Variants in AGFG1 observed in about 807,000 individuals in gnomAD.
The protein encoded by AGFG1 is ArfGAP with FG repeats 1, also known as arf-GAP domain and FG repeat-containing protein 1.
Under a neutral mutation model 60.6 loss-of-function variants are expected in AGFG1, and 10 were observed. That is an observed-to-expected ratio of 0.16 (90% CI 0.10 to 0.28). The LOEUF (loss-of-function observed/expected upper bound fraction) is 0.28, where lower values mean the gene tolerates loss of function less well. AGFG1 is among the 10% of genes least tolerant of loss of function. The pLI is 1.00. For missense variants in AGFG1, 537 were observed against 676.5 expected, an observed-to-expected ratio of 0.79 and a Z score of 2.29; for synonymous variants, 247 against 242.9, an observed-to-expected ratio of 1.02 and a Z score of -0.16.
At position 227,523,684 on chromosome 2, in the gene AGFG1, A is replaced by G. The variant is rs545730504; in HGVS notation, c.378-79A>G. 7.4e-6 allele frequency: 10 copies of G among 1,348,272 alleles called. No homozygotes were observed. The African/African-American group carries it at 1.5e-4, about 20-fold the overall frequency. 83.5% of individuals were successfully genotyped at this position (1,348,272 alleles called of 1,614,324 possible). On this transcript the variant is annotated intron_variant, in intron 3 of 12. Coordinates refer to ENST00000310078, the MANE Select transcript of AGFG1 (RefSeq NM_004504.5). ...TTAATGGTGAAACAATCTTGTACAAAGTTAGAATTAAGCTTATCATTTTTT... is the reference window on the plus strand; with the variant it reads ...TTAATGGTGAAACAATCTTGTACAAGGTTAGAATTAAGCTTATCATTTTTT...
chr2:227,516,574 G>A (rs1286119944), intron 2 of AGFG1, among the ~76,000 whole-genome samples: 3 of 152,114 alleles, frequency 2.0e-5, no homozygotes, highest in African/African-American at 7.2e-5. Flanking sequence ...CTTCCAGAGA[G>A]CAGGAACAGA....
chr2:227,537,442 A>G (rs1205528910), intron 10 of AGFG1, among the ~76,000 whole-genome samples: 2 of 152,176 alleles, frequency 1.3e-5, no homozygotes, highest in African/African-American at 4.8e-5. Context: ...TGAATTCTTA[A>G]TTATTAGGTC....
chr2:227,513,323 AGCTGGTCTGTCTGGAT>A (rs1464176102), intron 2 of AGFG1, among the ~76,000 whole-genome samples: 3 of 152,184 alleles, frequency 2.0e-5, no homozygotes, highest in Non-Finnish European at 4.4e-5. Context: ...GGCTCCAAGC[AGCTGGTCTGTCTGGAT>A]ATACAAATGG....
chr2:227,499,429 C>G (rs1035697030), intron 2 of AGFG1, among the ~76,000 whole-genome samples: 1 of 151,886 alleles, frequency 6.6e-6, no homozygotes, highest in African/African-American at 2.4e-5. Flanking sequence ...CACTTGAGGC[C>G]AGGAGTTCGA....
chr2:227,560,216 T>C lies in AGFG1; in HGVS notation c.*5721T>C, dbSNP rs912192251. Reference sequence around the variant, plus strand: ...TCTCCAGGATTCCATTATATGGATGTCCCTTTGGGAGAACATTTGTTTATA... The same window carrying C: ...TCTCCAGGATTCCATTATATGGATGCCCCTTTGGGAGAACATTTGTTTATA... On this transcript the variant is annotated 3_prime_UTR_variant, in exon 13 of 13. Coordinates refer to ENST00000310078, the MANE Select transcript of AGFG1 (RefSeq NM_004504.5). The C allele has an allele frequency of 7.2e-5, 11 of 152,144 alleles. No individual in the cohort carries two copies. Among genetic ancestry groups the C allele is most frequent in the African/African-American group, 2.7e-4 (11 of 41,454 alleles). 9.4% of individuals were successfully genotyped at this position (152,144 alleles called of 1,614,324 possible).
chr2:227,533,190 AT>A (rs1194422009), intron 6 of AGFG1, among the ~76,000 whole-genome samples: 1 of 152,164 alleles, frequency 6.6e-6, no homozygotes, highest in East Asian at 1.9e-4. Flanking sequence ...GATACTTTGC[AT>A]CTTGTTTGCA....
In AGFG1 at chr2:227,491,538, A is replaced by G. The variant is rs373803032; in HGVS notation, c.168-9A>G. On this transcript the variant is annotated splice_polypyrimidine_tract_variant and intron_variant, in intron 1 of 12. Coordinates refer to ENST00000310078, the MANE Select transcript of AGFG1 (RefSeq NM_004504.5). ...ACTAGTAAATTTTGTAAAATATTTT[A>G]TCTTTTAGGCGAGGATTAAATCCAC... The G allele has an allele frequency of 3.2e-5, 49 of 1,516,550 alleles. No homozygotes were observed. In the African/African-American group the frequency reaches 4.1e-4, roughly 13 times the overall value. The allele number at this position is 1,516,550 out of a possible 1,614,324, so 93.9% of individuals were successfully genotyped here.
At chr2:227,533,136 C>T (rs1692212408) in intron 6 of AGFG1, among the ~76,000 whole-genome samples, 1 of 152,160 alleles carries the variant, frequency 6.6e-6, no homozygotes, top group Admixed American at 6.5e-5. Context: ...ATTGTTTAAA[C>T]TGTTTCGTCA....
In AGFG1 at chr2:227,503,604, G is replaced by A. The variant is rs187727048; in HGVS notation, c.261+11964G>A. Among the ~76,000 whole-genome samples, 389 of 152,296 alleles carry A rather than the reference G, an allele frequency of 2.6e-3. 4 individuals carry two copies. The highest frequency in any genetic ancestry group is 0.021 in the Admixed American group (323 of 15,310). On this transcript the variant is annotated intron_variant, in intron 2 of 12. Transcript: ENST00000310078. ...TGTTGGCAGCTTTGGGCACCAAGTG[G>A]TGGAATCTGGGAGTTGATGACTCAG...
At chr2:227,493,323 A>G (rs1468456375) in intron 2 of AGFG1, among the ~76,000 whole-genome samples, 1 of 152,120 alleles carries the variant, frequency 6.6e-6, no homozygotes, top group East Asian at 1.9e-4. Context: ...TCCTCATTTT[A>G]TCTTCTGCCC....
At position 227,499,203 on chromosome 2, in the gene AGFG1, G is replaced by A. The variant is rs542116738; in HGVS notation, c.261+7563G>A. On this transcript the variant is annotated intron_variant, in intron 2 of 12. Coordinates refer to ENST00000310078, the MANE Select transcript of AGFG1 (RefSeq NM_004504.5). ...CAATTAACAGTAATCTAGTCATCTG[G>A]TCAGTGTTTTAAGTTTTCTGTTGTT... Among the ~76,000 whole-genome samples the A allele has an allele frequency of 2.6e-5, 4 of 151,992 alleles. No homozygotes were observed. The South Asian group carries it at 8.3e-4, about 32-fold the overall frequency.
At chr2:227,548,664 G>A (rs1692722461) in intron 10 of AGFG1, among the ~76,000 whole-genome samples, 1 of 152,204 alleles carries the variant, frequency 6.6e-6, no homozygotes, top group East Asian at 1.9e-4. Flanking sequence ...AAGGCCGGGT[G>A]CAGTGGCTCA....
intron 2 of AGFG1, among the ~76,000 whole-genome samples, chr2:227,495,797 A>C (rs2106174525): frequency 6.6e-6 from 1 of 152,152 alleles, no homozygotes; most frequent in East Asian, 1.9e-4. Context: ...ATGTTTGAAG[A>C]CTAAAAGTAA....
intron 11 of AGFG1, 51 bp downstream of exon 11, chr2:227,552,168 A>T (rs1191681170): frequency 1.9e-6 from 3 of 1,603,436 alleles, no homozygotes; most frequent in Non-Finnish European, 2.6e-6. Context: ...TATCCTTTTT[A>T]TATCATAATG....
chr2:227,506,587 G>A (rs1194120833), intron 2 of AGFG1, among the ~76,000 whole-genome samples: 1 of 133,712 alleles, frequency 7.5e-6, no homozygotes, highest in African/African-American at 2.8e-5. Context: ...AAAGCACATA[G>A]GCACATACCT....
intron 1 of AGFG1, among the ~76,000 whole-genome samples, chr2:227,485,489 G>A (rs558936269): frequency 6.3e-4 from 95 of 150,740 alleles, no homozygotes; most frequent in African/African-American, 2.3e-3. Context: ...ACCTGCCTCA[G>A]CCTCCCAAAG....
At chr2:227,515,668 A>G (rs1691628460) in intron 2 of AGFG1, among the ~76,000 whole-genome samples, 1 of 152,162 alleles carries the variant, frequency 6.6e-6, no homozygotes, top group Non-Finnish European at 1.5e-5. Flanking sequence ...AGCTGGAGAA[A>G]AAAAGCCTTC....
intron 1 of AGFG1, among the ~76,000 whole-genome samples, chr2:227,475,466 C>A (rs1302500840): frequency 2.0e-5 from 3 of 152,132 alleles, no homozygotes. Flanking sequence ...CATCAAATGT[C>A]TACTGCAGAA....
At chr2:227,488,751 C>A (rs1335701068) in intron 1 of AGFG1, among the ~76,000 whole-genome samples, 1 of 152,200 alleles carries the variant, frequency 6.6e-6, no homozygotes, top group Non-Finnish European at 1.5e-5. Context: ...GAGTTGGAAA[C>A]AAAGTGTTGT....
Sources: allele counts gnomAD v4.1 joint callset (sites outside exome capture counted in the v4.1 genomes callset), GRCh38; gene constraint gnomAD v4.1.1; transcripts MANE v1.5; gene names NCBI Gene and HGNC (gene_info 2026-07-23, HGNC 2026-07-21).